Variants in GCN1 observed in about 807,000 individuals in gnomAD.
GCN1 encodes the protein stalled ribosome sensor GCN1.
In GCN1, 90 loss-of-function variants were observed where a neutral mutation model predicts 288.4. The ratio of observed to expected loss-of-function variants is 0.31; its 90% CI spans 0.26 to 0.37. GCN1 has a LOEUF of 0.37. Ranked by LOEUF, GCN1 falls within the 10% of genes least tolerant of loss-of-function variation. GCN1 has a pLI of 1.00. For missense variants in GCN1, 2,586 were observed against 3,419.9 expected, an observed-to-expected ratio of 0.76 and a Z score of 6.08; for synonymous variants, 1,386 against 1,420.2, an observed-to-expected ratio of 0.98 and a Z score of 0.54.
In GCN1 at chr12:120,142,694, C is replaced by T. The variant is rs1056701631; in HGVS notation, c.5642G>A (p.Arg1881Gln). Residue 1881 changes from arginine to glutamine, a missense_variant, in exon 44 of 58, where the codon CGG becomes CAG. By Grantham distance (43) the Arg-to-Gln change is conservative (BLOSUM62 1). Transcript: ENST00000300648. The surrounding 1 kb of genome is among the most constrained non-coding windows in gnomAD (Gnocchi z 4.9). Reference protein sequence around the residue: ...KAIITALGVERRNRVLAGLYM... With the variant: ...KAIITALGVEQRNRVLAGLYM... ...CAGCCCTGCCAACACCCGGTTCCGC[C>T]GCTCTACCCCCAGGGCAGTGATGAT... is the stretch of plus-strand genomic sequence containing the variant. 3.1e-6 allele frequency: 5 copies of T among 1,614,108 alleles called. No individual in the cohort carries two copies. Among genetic ancestry groups the T allele is most frequent in the Non-Finnish European group, 4.2e-6 (5 of 1,180,034 alleles).
intron 57 of GCN1, among the ~76,000 whole-genome samples, chr12:120,128,498 G>A (rs764630297): frequency 9.8e-4 from 149 of 152,012 alleles, no homozygotes; most frequent in Non-Finnish European, 2.0e-3. Context: ...CACCACACCT[G>A]GCTAATTTTG....
chr12:120,158,072 G>A lies in GCN1; in HGVS notation c.2906-42C>T, dbSNP rs1369395413. 7 of 1,595,714 alleles carry A rather than the reference G, an allele frequency of 4.4e-6. No homozygotes were observed. In the East Asian group the frequency reaches 1.6e-4, roughly 36 times the overall value. ...CAGATAAGATTCTGCAGGCAGGGCA[G>A]GGACCCGGGCCACTGCTGCCTATTT... On this transcript the variant is annotated intron_variant, in intron 25 of 57. Transcript: ENST00000300648. The surrounding 1 kb of genome is among the most constrained non-coding windows in gnomAD (Gnocchi z 4.3).
chr12:120,142,336 A>G lies in GCN1; in HGVS notation c.5829+171T>C, dbSNP rs1877223178. On this transcript the variant is annotated intron_variant, in intron 44 of 57. Coordinates refer to ENST00000300648, the MANE Select transcript of GCN1 (RefSeq NM_006836.2). The surrounding 1 kb of genome is among the most constrained non-coding windows in gnomAD (Gnocchi z 4.9). ...GCAAGACTCCACCTCAAAAAAATAA[A>G]TAAAATAAAATTAATCAAAAAATAT... is the stretch of plus-strand genomic sequence containing the variant. Among the ~76,000 whole-genome samples the G allele has an allele frequency of 1.3e-5, 2 of 152,204 alleles. No individual in the cohort carries two copies. Among genetic ancestry groups the G allele is most frequent in the Admixed American group, 1.3e-4 (2 of 15,274 alleles).
At chr12:120,188,195 A>G (rs999323940) in intron 2 of GCN1, among the ~76,000 whole-genome samples, 1 of 152,232 alleles carries the variant, frequency 6.6e-6, no homozygotes, top group Non-Finnish European at 1.5e-5. Context: ...GCACTTTGGG[A>G]GGCCAAGGCA....
intron 16 of GCN1, among the ~76,000 whole-genome samples, chr12:120,165,463 C>T (rs1307592600): frequency 6.6e-6 from 1 of 151,694 alleles, no homozygotes; most frequent in Non-Finnish European, 1.5e-5. Flanking sequence ...AGCCACCGCA[C>T]CTAGCCTATT....
Position 120,158,362 on chromosome 12 carries a change from C to T in GCN1, c.2905+98G>A. 1 of 1,049,294 alleles carries T rather than the reference C, an allele frequency of 9.5e-7. No homozygotes were observed. The highest frequency in any genetic ancestry group is 1.4e-6 in the Non-Finnish European group (1 of 736,882). The allele number at this position is 1,049,294 out of a possible 1,614,324, so 65.0% of individuals were successfully genotyped here. A position where few individuals can be genotyped will look rare whatever the true frequency, so the allele number is the denominator to read the frequency against. ...AGAAATCCTCCATATGGTCCAATCC[C>T]CCAGGCTCAGGAGGCCCTGGGTGAC... On this transcript the variant is annotated intron_variant, in intron 25 of 57. Transcript: ENST00000300648. The surrounding 1 kb of genome is among the most constrained non-coding windows in gnomAD (Gnocchi z 4.3).
intron 46 of GCN1, 46 bp from the exon 47 acceptor site, chr12:120,138,461 T>C (rs2269940): frequency 0.17 from 206,883 of 1,236,074 alleles, 20,654 homozygotes; most frequent in East Asian, 0.46. Context: ...GCATCTCTGC[T>C]GTCTCAACCA....
At chr12:120,190,273 G>A (rs761825221) in intron 2 of GCN1, 25 bp downstream of exon 2, 33 of 1,084,000 alleles carry the variant, frequency 3.0e-5, no homozygotes, top group Non-Finnish European at 4.7e-5. Context: ...ATATTGTCCA[G>A]GGTATGTGGA....
intron 56 of GCN1, among the ~76,000 whole-genome samples, chr12:120,129,895 G>C (rs1321960344): frequency 6.6e-6 from 1 of 152,110 alleles, no homozygotes; most frequent in African/African-American, 2.4e-5. Context: ...GGGCTCCAGG[G>C]ATCCTGTCTG....
intron 36 of GCN1, among the ~76,000 whole-genome samples, chr12:120,148,607 C>A (rs1321432802): frequency 6.6e-6 from 1 of 152,126 alleles, no homozygotes; most frequent in Non-Finnish European, 1.5e-5. Flanking sequence ...TGGTTTAATC[C>A]TTACAGTGAG....
At chr12:120,143,228 T>C (rs1481380614) in intron 42 of GCN1, among the ~76,000 whole-genome samples, 1 of 152,042 alleles carries the variant, frequency 6.6e-6, no homozygotes, top group Non-Finnish European at 1.5e-5. Flanking sequence ...GGGGAAGCAT[T>C]AACAGGCAAG....
chr12:120,140,395 T>C (rs12301083), intron 45 of GCN1, among the ~76,000 whole-genome samples: 11,326 of 152,140 alleles, frequency 0.074, 1,434 homozygotes, highest in African/African-American at 0.26. Context: ...AGACGCAATA[T>C]GCTTCCTCCC....
intron 2 of GCN1, among the ~76,000 whole-genome samples, chr12:120,186,616 T>TC (rs1878829259): frequency 1.3e-5 from 2 of 152,278 alleles, no homozygotes. Context: ...GGACGCAGTT[T>TC]CCCCAGGGCC....
chr12:120,173,730 T>C lies in GCN1; in HGVS notation c.1289A>G (p.Lys430Arg), dbSNP rs1309853266. The C allele has an allele frequency of 3.7e-6, 6 of 1,612,956 alleles. No homozygotes were observed. In the East Asian group the frequency reaches 1.1e-4, roughly 30 times the overall value. Residue 430 changes from lysine (K) to arginine (R), a missense_variant, in exon 14 of 58, where the codon AAA becomes AGA. Around this residue, in one of 8 missense-constraint regions of GCN1, gnomAD observed 913 missense variants for 1,107.0 expected, o/e 0.82. Transcript: ENST00000300648. ...GGAGGTTTTAAGGCTGAAAGCTTTT[T>C]TGAACCATTCAGTGAGCTTCTTGGG... ...EVPKKLTEWF[K>R]KAFSLKTSTS...
At position 120,137,165 on chromosome 12, in the gene GCN1, G is replaced by A; in HGVS notation, c.6777+41C>T. ...GGGTAAGGGCCAGAAGGGCACAACA[G>A]ACTGCACGCCCACAGCCCCCTGCAC... On this transcript the variant is annotated intron_variant, in intron 50 of 57. Transcript: ENST00000300648. The surrounding 1 kb of genome is among the most constrained non-coding windows in gnomAD (Gnocchi z 5.2). 7.0e-7 allele frequency: 1 copy of A among 1,424,738 alleles called. No homozygotes were observed. The allele number at this position is 1,424,738 out of a possible 1,614,324, so 88.3% of individuals were successfully genotyped here.
intron 15 of GCN1, among the ~76,000 whole-genome samples, chr12:120,169,931 T>A (rs1878265643): frequency 1.3e-5 from 2 of 152,220 alleles, no homozygotes; most frequent in Admixed American, 6.5e-5. Flanking sequence ...CATCTAGGTA[T>A]CATCTACAAG....
At chr12:120,160,388 A>G in intron 22 of GCN1, 133 bp from the exon 23 acceptor site, 3 of 643,470 alleles carry the variant, frequency 4.7e-6, no homozygotes, top group Non-Finnish European at 8.3e-6. Context: ...CCCTGAACCC[A>G]CCATGTGCAC....
At position 120,163,733 on chromosome 12, in the gene GCN1, C is replaced by T. The variant is rs555027031; in HGVS notation, c.1849-474G>A. Among the ~76,000 whole-genome samples, 3 of 151,944 alleles carry T rather than the reference C, an allele frequency of 2.0e-5. No homozygotes were observed. The South Asian group carries it at 6.2e-4, about 32-fold the overall frequency. ...TAACAAGCCCTATTTGCCTTTGAAA[C>T]GCATTGTTAAAAAAAAAATCAAAAG... On this transcript the variant is annotated intron_variant, in intron 18 of 57. Transcript: ENST00000300648.
At chr12:120,180,346 A>G (rs1020847489) in intron 5 of GCN1, among the ~76,000 whole-genome samples, 4 of 148,626 alleles carry the variant, frequency 2.7e-5, no homozygotes, top group African/African-American at 1.0e-4. Context: ...GCCAGGTGCA[A>G]TGGTTCACGC....
Sources: allele counts gnomAD v4.1 joint callset (sites outside exome capture counted in the v4.1 genomes callset), GRCh38; gene constraint gnomAD v4.1.1; regional missense constraint gnomAD v4.1.1; non-coding constraint Gnocchi (gnomAD v3.1); transcripts MANE v1.5; gene names NCBI Gene and HGNC (gene_info 2026-07-23, HGNC 2026-07-21).